The following KIRREL3 variants were observed in gnomAD, a reference collection of about 807,000 sequenced individuals.
KIRREL3 encodes the protein kirre like nephrin family adhesion molecule 3, also known as kin of IRRE-like protein 3.
KIRREL3 carries 36 observed loss-of-function variants against 89.7 expected under a neutral mutation model. That is an observed-to-expected ratio of 0.40 (90% CI 0.31 to 0.53). KIRREL3 has a LOEUF of 0.53. Ranked by LOEUF, KIRREL3 falls within the 20% of genes least tolerant of loss-of-function variation. KIRREL3 has a pLI of 0.49. For synonymous variants in KIRREL3, 445 were observed against 441.4 expected, an observed-to-expected ratio of 1.01 and a Z score of -0.10; for missense variants, 864 against 1,056.6, an observed-to-expected ratio of 0.82 and a Z score of 2.53.
At chr11:126,980,890 T>G (rs993618808) in intron 1 of KIRREL3, among the ~76,000 whole-genome samples, 1 of 152,194 alleles carries the variant, frequency 6.6e-6, no homozygotes, top group Non-Finnish European at 1.5e-5. Context: ...ATTGTTACTC[T>G]CAGAATTAGC....
At chr11:126,678,029 C>T (rs1565642698) in intron 1 of KIRREL3, among the ~76,000 whole-genome samples, 1 of 152,232 alleles carries the variant, frequency 6.6e-6, no homozygotes, top group Non-Finnish European at 1.5e-5. Context: ...CTGCAGGGAA[C>T]TTATCATCTC....
rs1414183548 is a variant in KIRREL3 at position 126,635,140 on chromosome 11, C to T, written c.56-72228G>A. ...TCAATGAGCAGGATTGAACCTTGAA[C>T]CCAACAAAAGGGTCTGCAGTGAGGC... On this transcript the variant is annotated intron_variant, in intron 1 of 16. Coordinates refer to ENST00000525144, the MANE Select transcript of KIRREL3 (RefSeq NM_032531.4). The surrounding 1 kb of genome is among the most constrained non-coding windows in gnomAD (Gnocchi z 4.0). 6.6e-6 allele frequency among the ~76,000 whole-genome samples: 1 copy of T among 152,190 alleles called. No individual in the cohort carries two copies. The highest frequency in any genetic ancestry group is 1.9e-4 in the East Asian group (1 of 5,192).
At chr11:126,863,720 G>C (rs535182780) in intron 1 of KIRREL3, among the ~76,000 whole-genome samples, 4 of 152,068 alleles carry the variant, frequency 2.6e-5, no homozygotes, top group Non-Finnish European at 4.4e-5. Context: ...GAGGAACAAA[G>C]AGGTACAAAG....
rs1015388151 is a variant in KIRREL3 at position 126,427,503 on chromosome 11, A to G, written c.1806+1676T>C. On this transcript the variant is annotated intron_variant, in intron 15 of 16. Coordinates refer to ENST00000525144, the MANE Select transcript of KIRREL3 (RefSeq NM_032531.4). This position sits in a 1 kb window ranked among gnomAD's most constrained non-coding sequence, Gnocchi z 5.3. ...TATGGGAGAATGTGAGATTCAACAGACAAAATTAGCAGGCAGAGAGAACAG... is the reference window on the plus strand; with the variant it reads ...TATGGGAGAATGTGAGATTCAACAGGCAAAATTAGCAGGCAGAGAGAACAG... Among the ~76,000 whole-genome samples, 16 of 152,210 alleles carry G rather than the reference A, an allele frequency of 1.1e-4. No individual in the cohort carries two copies. The highest frequency in any genetic ancestry group is 3.6e-4 in the African/African-American group (15 of 41,446).
intron 1 of KIRREL3, among the ~76,000 whole-genome samples, chr11:126,857,789 G>GGC (rs1555062436): frequency 3.3e-5 from 2 of 61,144 alleles, no homozygotes; most frequent in African/African-American, 6.1e-5. Context: ...CTGTGGGGGT[G>GGC]GGGTGGGTGA....
At position 126,568,812 on chromosome 11, in the gene KIRREL3, A is replaced by G. The variant is rs532947690; in HGVS notation, c.56-5900T>C. ...GGTGAGTTCAATAAATAGAAACAAAATACCAAATTCTACCCCCCTCGTTTT... is the reference window on the plus strand; with the variant it reads ...GGTGAGTTCAATAAATAGAAACAAAGTACCAAATTCTACCCCCCTCGTTTT... On this transcript the variant is annotated intron_variant, in intron 1 of 16. Coordinates refer to ENST00000525144, the MANE Select transcript of KIRREL3 (RefSeq NM_032531.4). This position sits in a 1 kb window ranked among gnomAD's most constrained non-coding sequence, Gnocchi z 4.6. Among the ~76,000 whole-genome samples, 1 of 152,348 alleles carries G rather than the reference A, an allele frequency of 6.6e-6. No homozygotes were observed. Among genetic ancestry groups the G allele is most frequent in the South Asian group, 2.1e-4 (1 of 4,828 alleles).
chr11:126,892,850 C>G lies in KIRREL3; in HGVS notation c.55+107605G>C, dbSNP rs1219432155. Among the ~76,000 whole-genome samples the G allele has an allele frequency of 1.3e-5, 2 of 152,182 alleles. No homozygotes were observed. The highest frequency in any genetic ancestry group is 1.9e-4 in the East Asian group (1 of 5,196). On this transcript the variant is annotated intron_variant, in intron 1 of 16. Coordinates refer to ENST00000525144, the MANE Select transcript of KIRREL3 (RefSeq NM_032531.4). This position sits in a 1 kb window ranked among gnomAD's most constrained non-coding sequence, Gnocchi z 5.4. The stretch of plus-strand genomic sequence containing the variant: ...TACTCAAGAGAGGACAAAAGAGAGG[C>G]TCGGGTAGAGCTTATCTAGTGGATG...
intron 10 of KIRREL3, among the ~76,000 whole-genome samples, chr11:126,442,421 A>G (rs561445749): frequency 6.6e-6 from 1 of 152,144 alleles, no homozygotes; most frequent in South Asian, 2.1e-4. Flanking sequence ...TCTAAAAGCC[A>G]TCATCAAATG....
rs1473382512 is a variant in KIRREL3 at position 126,772,211 on chromosome 11, G to A, written c.56-209299C>T. Among the ~76,000 whole-genome samples the A allele has an allele frequency of 2.6e-5, 4 of 152,192 alleles. No individual in the cohort carries two copies. The highest frequency in any genetic ancestry group is 7.2e-5 in the African/African-American group (3 of 41,444). ...TCTCCAAGTGTTAGTTGGGAGGGAG[G>A]ATGCACTACAAATCAGAAAGAACAG... On this transcript the variant is annotated intron_variant, in intron 1 of 16. Coordinates refer to ENST00000525144, the MANE Select transcript of KIRREL3 (RefSeq NM_032531.4). This position sits in a 1 kb window ranked among gnomAD's most constrained non-coding sequence, Gnocchi z 4.6.
chr11:126,975,894 C>T (rs1164259639), intron 1 of KIRREL3, among the ~76,000 whole-genome samples: 11 of 93,022 alleles, frequency 1.2e-4, no homozygotes, highest in East Asian at 5.2e-4. Context: ...TTCCCTCCCT[C>T]CCTCCCTCCC....
At position 126,764,133 on chromosome 11, in the gene KIRREL3, T is replaced by C. The variant is rs1949746721; in HGVS notation, c.56-201221A>G. On this transcript the variant is annotated intron_variant, in intron 1 of 16. Transcript: ENST00000525144. The surrounding 1 kb of genome is among the most constrained non-coding windows in gnomAD (Gnocchi z 4.2). ...TAAAAGACATTCAGATCAGAATGAA[T>C]GAAATGCTAACTTTTCCCCTGTCTA... 6.6e-6 allele frequency among the ~76,000 whole-genome samples: 1 copy of C among 152,192 alleles called. No homozygotes were observed. The highest frequency in any genetic ancestry group is 1.5e-5 in the Non-Finnish European group (1 of 68,034).
At chr11:126,833,384 A>AG (rs1433633353) in intron 1 of KIRREL3, among the ~76,000 whole-genome samples, 3 of 152,226 alleles carry the variant, frequency 2.0e-5, no homozygotes, top group Non-Finnish European at 4.4e-5. Flanking sequence ...TGCCCACTGC[A>AG]GGTCTGCGCA....
rs1406003006 is a variant in KIRREL3, at chr11:126,740,050, A to G, written c.56-177138T>C. On this transcript the variant is annotated intron_variant, in intron 1 of 16. Transcript: ENST00000525144. This position sits in a 1 kb window ranked among gnomAD's most constrained non-coding sequence, Gnocchi z 6.0. The stretch of plus-strand genomic sequence containing the variant: ...AGGGGGCAGAGAAAGAAAGGAAGAA[A>G]GAAAGAAACAGCTGATTTAAAATGC... Among the ~76,000 whole-genome samples the G allele has an allele frequency of 2.0e-5, 3 of 152,214 alleles. No individual in the cohort carries two copies. The highest frequency in any genetic ancestry group is 2.9e-5 in the Non-Finnish European group (2 of 68,044).
At chr11:126,681,772 T>C (rs1020402001) in intron 1 of KIRREL3, 1 of 396,396 alleles carries the variant, frequency 2.5e-6, no homozygotes, top group African/African-American at 2.1e-5. Context: ...TCCCATTCTC[T>C]TCTGTTTCAG....
In KIRREL3 at chr11:126,905,521, G is replaced by A. The variant is rs554469894; in HGVS notation, c.55+94934C>T. Reference sequence around the variant, plus strand: ...CAATTTGTGGCATTTACTGTTCATCGCTCAGGGGTCAGAGGGTGGGGAGAG... The same window carrying A: ...CAATTTGTGGCATTTACTGTTCATCACTCAGGGGTCAGAGGGTGGGGAGAG... On this transcript the variant is annotated intron_variant, in intron 1 of 16. Coordinates refer to ENST00000525144, the MANE Select transcript of KIRREL3 (RefSeq NM_032531.4). This position sits in a 1 kb window ranked among gnomAD's most constrained non-coding sequence, Gnocchi z 5.0. 1.2e-4 allele frequency among the ~76,000 whole-genome samples: 19 copies of A among 152,134 alleles called. No homozygotes were observed. The highest frequency in any genetic ancestry group is 6.2e-4 in the South Asian group (3 of 4,818).
chr11:126,449,806 T>A (rs1955959544), intron 7 of KIRREL3, among the ~76,000 whole-genome samples: 1 of 152,232 alleles, frequency 6.6e-6, no homozygotes, highest in East Asian at 1.9e-4. Flanking sequence ...CCTGTCCTGT[T>A]CTGCCTCCTG....
In KIRREL3 at chr11:126,997,354, A is replaced by C. The variant is rs909881977; in HGVS notation, c.55+3101T>G. 1.3e-5 allele frequency among the ~76,000 whole-genome samples: 2 copies of C among 152,176 alleles called. No homozygotes were observed. Among genetic ancestry groups the C allele is most frequent in the African/African-American group, 4.8e-5 (2 of 41,460 alleles). ...CATGACCGTCCTGACAGCTGAGGGAAGAGGCATCCACGGCAAGGGAGAAGC... is the reference window on the plus strand; with the variant it reads ...CATGACCGTCCTGACAGCTGAGGGACGAGGCATCCACGGCAAGGGAGAAGC... On this transcript the variant is annotated intron_variant, in intron 1 of 16. Coordinates refer to ENST00000525144, the MANE Select transcript of KIRREL3 (RefSeq NM_032531.4). The surrounding 1 kb of genome is among the most constrained non-coding windows in gnomAD (Gnocchi z 4.3).
chr11:126,428,160 C>G lies in KIRREL3; in HGVS notation c.1806+1019G>C, dbSNP rs898162230. On this transcript the variant is annotated intron_variant, in intron 15 of 16. Coordinates refer to ENST00000525144, the MANE Select transcript of KIRREL3 (RefSeq NM_032531.4). This position sits in a 1 kb window ranked among gnomAD's most constrained non-coding sequence, Gnocchi z 6.4. ...GGCTTCAAGCCCTTCTGAGTTTTGT[C>G]CACTTCACCCTCACCACAGCCCTGT... Among the ~76,000 whole-genome samples, 3 of 152,200 alleles carry G rather than the reference C, an allele frequency of 2.0e-5. No individual in the cohort carries two copies. Among genetic ancestry groups the G allele is most frequent in the African/African-American group, 7.2e-5 (3 of 41,446 alleles).
chr11:127,003,346 G>T (rs1411675919), upstream of KIRREL3: 1 of 152,678 alleles, frequency 6.5e-6, no homozygotes, highest in African/African-American at 2.4e-5. Flanking sequence ...CACCTCCTCC[G>T]GGGGCTCGGT....
Sources: allele counts gnomAD v4.1 joint callset (sites outside exome capture counted in the v4.1 genomes callset), GRCh38; gene constraint gnomAD v4.1.1; non-coding constraint Gnocchi (gnomAD v3.1); transcripts MANE v1.5; gene names NCBI Gene and HGNC (gene_info 2026-07-23, HGNC 2026-07-21).